Variants in CELF1 observed in about 807,000 individuals in gnomAD.
CELF1 encodes 50 kDa nuclear polyadenylated RNA-binding protein.
A neutral mutation model predicts 61.8 loss-of-function variants in CELF1; 10 were observed. The observed-to-expected ratio is 0.16, with a 90% CI of 0.10 to 0.27. CELF1 has a LOEUF of 0.27. Ranked by LOEUF, CELF1 falls within the 10% of genes least tolerant of loss-of-function variation. The pLI, the probability that CELF1 is intolerant of heterozygous loss-of-function variation, is 1.00. For synonymous variants in CELF1, 236 were observed against 225.1 expected (o/e 1.05, Z -0.43); for missense variants, 380 against 639.1 (o/e 0.59, Z 4.37).
At chr11:47,493,869 C>A (rs2153513895) in intron 3 of CELF1, among the ~76,000 whole-genome samples, 1 of 152,244 alleles carries the variant, frequency 6.6e-6, no homozygotes, top group Middle Eastern at 3.4e-3. Context: ...CAACACTCTC[C>A]CTCTTCCACA....
chr11:47,558,579 A>G (rs1220536994), intron 2 of CELF1, among the ~76,000 whole-genome samples: 2 of 110,942 alleles, frequency 1.8e-5, no homozygotes, highest in African/African-American at 7.8e-5. Flanking sequence ...ATATAAATAT[A>G]TATATATATT....
At chr11:47,552,701 G>A (rs962109153) in intron 1 of CELF1, among the ~76,000 whole-genome samples, 2 of 152,258 alleles carry the variant, frequency 1.3e-5, no homozygotes, top group South Asian at 2.1e-4. Flanking sequence ...AGCCTAGAGA[G>A]TGAAGGTAAA....
Position 47,547,394 on chromosome 11 carries a change from A to G in CELF1, c.-154+5598T>C, listed in dbSNP as rs186187658. Among the ~76,000 whole-genome samples, 19 of 152,230 alleles carry G rather than the reference A, an allele frequency of 1.2e-4. No individual in the cohort carries two copies. The East Asian group carries it at 3.7e-3, about 30-fold the overall frequency. The stretch of plus-strand genomic sequence containing the variant: ...AGGAACACAGCCATAAAAGGAAATT[A>G]GGGCTGGGCACGGTGGTTCATGCCC... On this transcript the variant is annotated intron_variant, in intron 1 of 14. Transcript: ENST00000687097.
chr11:47,541,042 CTATGT>C (rs1489755103), intron 1 of CELF1, among the ~76,000 whole-genome samples: 2 of 152,138 alleles, frequency 1.3e-5, no homozygotes, highest in Non-Finnish European at 2.9e-5. Flanking sequence ...ACTAGCTGAG[CTATGT>C]GACTGCAGTG....
intron 3 of CELF1, among the ~76,000 whole-genome samples, chr11:47,489,942 T>TTTTG (rs1408916630): frequency 8.7e-6 from 1 of 114,754 alleles, no homozygotes; most frequent in African/African-American, 3.3e-5. Flanking sequence ...CTTGTTTTTT[T>TTTTG]TTTTTTTTTT....
intron 9 of CELF1, among the ~76,000 whole-genome samples, chr11:47,479,468 C>A (rs572436220): frequency 6.6e-6 from 1 of 152,300 alleles, no homozygotes; most frequent in South Asian, 2.1e-4. Context: ...CTTTATTGGT[C>A]ACAATGGACC....
Position 47,488,877 on chromosome 11 carries a change from G to T in CELF1, c.219C>A (p.Asn73Lys). The change falls in exon 4 of 15, where the codon AAC becomes AAA. Residue 73 changes from asparagine to lysine, a missense_variant. By Grantham distance (94) the Asn-to-Lys change is moderately conservative. Transcript: ENST00000687097. ...GGTTTTGGCTCCTATCCCTTAGGAC[G>T]TTGATTTCATACACAGCACCATACT... ...FEQYGAVYEINVLRDRSQNPP... is the reference protein window; with the variant it reads ...FEQYGAVYEIKVLRDRSQNPP... 1.9e-6 allele frequency: 3 copies of T among 1,594,070 alleles called. No individual in the cohort carries two copies. Among genetic ancestry groups the T allele is most frequent in the South Asian group, 2.3e-5 (2 of 87,894 alleles).
intron 13 of CELF1, among the ~76,000 whole-genome samples, chr11:47,474,503 A>C (rs2079114519): frequency 6.6e-6 from 1 of 152,232 alleles, no homozygotes; most frequent in African/African-American, 2.4e-5. Context: ...CCAGAGGATC[A>C]TCTGAAACAC....
intron 1 of CELF1, among the ~76,000 whole-genome samples, chr11:47,552,609 C>G (rs961959718): frequency 7.2e-5 from 11 of 152,176 alleles, no homozygotes; most frequent in Admixed American, 2.0e-4. Flanking sequence ...TGGGGTGTCC[C>G]GGGCAGGTAG....
chr11:47,495,988 AAACTTCTGCTACC>A (rs1333065923), intron 3 of CELF1: 20 of 985,330 alleles, frequency 2.0e-5, no homozygotes, highest in Non-Finnish European at 2.3e-5. Flanking sequence ...GTTGCATTCC[AAACTTCTGCTACC>A]ACCCACCCTT....
intron 6 of CELF1, among the ~76,000 whole-genome samples, chr11:47,486,131 C>A (rs192119628): frequency 1 from 23,363 of 23,366 alleles, 11,680 homozygotes; most frequent in Middle Eastern, 1. Flanking sequence ...AGTGTACTCC[C>A]GCCCAGGCAA....
chr11:47,475,530 G>T lies in CELF1; in HGVS notation c.1088-9C>A, dbSNP rs2079603294. The T allele has an allele frequency of 6.2e-7, 1 of 1,613,512 alleles. No individual in the cohort carries two copies. The highest frequency in any genetic ancestry group is 1.7e-5 in the Admixed American group (1 of 59,994). Reference sequence around the variant, plus strand: ...ATTTAAAGCAGCCATTCCTTGGTTGGAGGAAGAGAAGGATTAATATACTAG... The same window carrying T: ...ATTTAAAGCAGCCATTCCTTGGTTGTAGGAAGAGAAGGATTAATATACTAG... On this transcript the variant is annotated splice_polypyrimidine_tract_variant and intron_variant, in intron 12 of 14. Transcript: ENST00000687097.
rs1596102278 is a variant in CELF1, at chr11:47,475,236, A to G, written c.1273+100T>C. On this transcript the variant is annotated intron_variant, in intron 13 of 14. Coordinates refer to ENST00000687097, the MANE Select transcript of CELF1 (RefSeq NM_001376376.1). ...ACTGTCAAAGAAAAACAATGGTCTG[A>G]CGACCTAACTGGTTCCCTCAGCCTT... is the stretch of plus-strand genomic sequence containing the variant. 48 of 1,068,556 alleles carry G rather than the reference A, an allele frequency of 4.5e-5. 1 individual carries two copies. The East Asian group carries it at 1.1e-3, about 26-fold the overall frequency. The allele number at this position is 1,068,556 out of a possible 1,614,324, so 66.2% of individuals were successfully genotyped here.
chr11:47,550,303 G>A (rs7944532), intron 1 of CELF1, among the ~76,000 whole-genome samples: 32,879 of 151,718 alleles, frequency 0.22, 4,238 homozygotes, highest in African/African-American at 0.33. Flanking sequence ...GGCTGAGGTG[G>A]GCAGATCACC....
chr11:47,539,268 C>G (rs2096714796), intron 1 of CELF1, among the ~76,000 whole-genome samples: 1 of 152,144 alleles, frequency 6.6e-6, no homozygotes, highest in African/African-American at 2.4e-5. Flanking sequence ...GCAAAGCATT[C>G]TAAACACCAA....
intron 1 of CELF1, among the ~76,000 whole-genome samples, chr11:47,552,671 G>A (rs1002189429): frequency 2.6e-5 from 4 of 152,206 alleles, no homozygotes; most frequent in East Asian, 3.9e-4. Context: ...GCTGGCCCTG[G>A]GCAGGGCACG....
At chr11:47,495,401 GAGA>G (rs1277071678) in intron 3 of CELF1, among the ~76,000 whole-genome samples, 3 of 152,310 alleles carry the variant, frequency 2.0e-5, no homozygotes, top group Admixed American at 6.5e-5. Flanking sequence ...GGGAGACATG[GAGA>G]AGAAGAGGGG....
chr11:47,524,994 G>C (rs950203501), intron 1 of CELF1, among the ~76,000 whole-genome samples: 2 of 152,126 alleles, frequency 1.3e-5, no homozygotes, highest in African/African-American at 4.8e-5. Flanking sequence ...ACGGGAAATG[G>C]AAAAGACATT....
At chr11:47,556,781 T>C (rs559331593), upstream of CELF1, among the ~76,000 whole-genome samples, 6 of 152,312 alleles carry the variant, frequency 3.9e-5, no homozygotes, top group Non-Finnish European at 8.8e-5. Flanking sequence ...CTTAAGAAGC[T>C]GAGGTAGGAG....
Sources: allele counts gnomAD v4.1 joint callset (sites outside exome capture counted in the v4.1 genomes callset), GRCh38; gene constraint gnomAD v4.1.1; transcripts MANE v1.5; gene names NCBI Gene and HGNC (gene_info 2026-07-23, HGNC 2026-07-21).